Variants in GALNTL6 observed in about 807,000 individuals in gnomAD.
GALNTL6 encodes the protein polypeptide N-acetylgalactosaminyltransferase like 6.
A neutral mutation model predicts 73.7 loss-of-function variants in GALNTL6; 46 were observed. The observed-to-expected ratio is 0.62, with a 90% CI of 0.49 to 0.80. The LOEUF is 0.80. Among genes scored for constraint, GALNTL6 ranks in the 30% least tolerant of loss-of-function variants. GALNTL6 has a pLI of 0.00. For missense variants in GALNTL6, 604 were observed against 755.0 expected, an observed-to-expected ratio of 0.80 and a Z score of 2.34; for synonymous variants, 259 against 263.7, an observed-to-expected ratio of 0.98 and a Z score of 0.17.
At chr4:172,563,259 C>G (rs893989859) in intron 5 of GALNTL6, among the ~76,000 whole-genome samples, 1 of 152,086 alleles carries the variant, frequency 6.6e-6, no homozygotes, top group Non-Finnish European at 1.5e-5. Flanking sequence ...TAGCAGAAAC[C>G]TTCTCTCCCC....
At chr4:172,185,377 G>A (rs1188803279) in intron 2 of GALNTL6, among the ~76,000 whole-genome samples, 1 of 152,162 alleles carries the variant, frequency 6.6e-6, no homozygotes, top group African/African-American at 2.4e-5. Context: ...CCTGTTTTAA[G>A]GAAATACGCT....
chr4:172,311,041 T>G (rs1578942089), intron 3 of GALNTL6, among the ~76,000 whole-genome samples: 1 of 152,172 alleles, frequency 6.6e-6, no homozygotes, highest in East Asian at 1.9e-4. Flanking sequence ...GAATATATAT[T>G]TTACTGATGA....
chr4:172,388,805 T>G (rs1320325052), intron 5 of GALNTL6, among the ~76,000 whole-genome samples: 2 of 152,054 alleles, frequency 1.3e-5, no homozygotes, highest in Non-Finnish European at 2.9e-5. Flanking sequence ...ACACTGTATT[T>G]AGTGTTAGCA....
chr4:172,871,230 A>G (rs529161122), intron 7 of GALNTL6, among the ~76,000 whole-genome samples: 1 of 152,306 alleles, frequency 6.6e-6, no homozygotes, highest in South Asian at 2.1e-4. Flanking sequence ...TGGAGATAAT[A>G]AAGATGAAAA....
At chr4:172,038,865 T>C (rs1006546060) in intron 2 of GALNTL6, among the ~76,000 whole-genome samples, 1 of 152,206 alleles carries the variant, frequency 6.6e-6, no homozygotes, top group Non-Finnish European at 1.5e-5. Context: ...ATAAAATGGA[T>C]TCATAGAAGA....
chr4:172,372,557 G>A (rs1742857615), intron 5 of GALNTL6, among the ~76,000 whole-genome samples: 1 of 152,202 alleles, frequency 6.6e-6, no homozygotes, highest in African/African-American at 2.4e-5. Flanking sequence ...ACTTAGGTAT[G>A]CCACTGGTTG....
chr4:172,176,234 A>G lies in GALNTL6; in HGVS notation c.139-53422A>G, dbSNP rs574445720. 1.3e-4 allele frequency among the ~76,000 whole-genome samples: 20 copies of G among 150,780 alleles called. No individual in the cohort carries two copies. In the South Asian group the frequency reaches 4.1e-3, roughly 31 times the overall value. ...GGGCACCTGTAGTCCCAGCTACTCA[A>G]AAGGCTGAGGCAGGAGAATGGCGTG... On this transcript the variant is annotated intron_variant, in intron 2 of 12. Transcript: ENST00000506823.
intron 5 of GALNTL6, among the ~76,000 whole-genome samples, chr4:172,800,974 A>T (rs1740608689): frequency 6.6e-6 from 1 of 152,182 alleles, no homozygotes. Context: ...CTTCATTTTC[A>T]TTTAATCTCG....
chr4:172,369,786 G>A (rs559119373), intron 5 of GALNTL6, among the ~76,000 whole-genome samples: 18 of 152,186 alleles, frequency 1.2e-4, no homozygotes, highest in African/African-American at 2.4e-4. Flanking sequence ...CCGAGCCTGC[G>A]CCCACCTGGA....
intron 2 of GALNTL6, among the ~76,000 whole-genome samples, chr4:172,094,168 T>C (rs1463058218): frequency 1.3e-5 from 2 of 152,148 alleles, no homozygotes; most frequent in Non-Finnish European, 2.9e-5. Context: ...TTTTTCAGTG[T>C]GGAACAGTAC....
At chr4:171,829,414 A>G (rs1427160058) in intron 2 of GALNTL6, among the ~76,000 whole-genome samples, 1 of 152,082 alleles carries the variant, frequency 6.6e-6, no homozygotes, top group Non-Finnish European at 1.5e-5. Flanking sequence ...TTCAGATAAA[A>G]GCTTGTTTTC....
intron 2 of GALNTL6, among the ~76,000 whole-genome samples, chr4:171,853,673 C>T (rs1169544181): frequency 1.6e-5 from 2 of 127,966 alleles, no homozygotes; most frequent in Non-Finnish European, 3.1e-5. Context: ...TGCAGTGGTG[C>T]GATCTTGGCT....
chr4:172,673,610 CTT>C (rs1324405636), intron 5 of GALNTL6, among the ~76,000 whole-genome samples: 5 of 152,102 alleles, frequency 3.3e-5, no homozygotes, highest in Non-Finnish European at 7.4e-5. Flanking sequence ...GAGTCTAAGT[CTT>C]TTTGAAGGTC....
intron 8 of GALNTL6, among the ~76,000 whole-genome samples, chr4:172,887,007 C>G (rs1018952557): frequency 6.6e-6 from 1 of 152,060 alleles, no homozygotes; most frequent in African/African-American, 2.4e-5. Context: ...TTGTAGTGAT[C>G]AGTGACTTTT....
intron 2 of GALNTL6, among the ~76,000 whole-genome samples, chr4:171,971,705 T>C (rs950788718): frequency 6.6e-6 from 1 of 152,202 alleles, no homozygotes; most frequent in Non-Finnish European, 1.5e-5. Flanking sequence ...CTGGTCTTTT[T>C]TTAAAGTCCT....
chr4:172,024,956 A>G (rs1284124399), intron 2 of GALNTL6, among the ~76,000 whole-genome samples: 4 of 151,766 alleles, frequency 2.6e-5, no homozygotes, highest in Non-Finnish European at 5.9e-5. Context: ...AGAAAAGTCT[A>G]AGAACAAAAT....
chr4:172,329,755 A>G (rs574580358), intron 4 of GALNTL6, among the ~76,000 whole-genome samples: 41 of 152,356 alleles, frequency 2.7e-4, no homozygotes, highest in African/African-American at 9.6e-4. Context: ...TGAAGCAGCA[A>G]AGATGGCAAC....
At chr4:172,654,629 A>G (rs1364419358) in intron 5 of GALNTL6, among the ~76,000 whole-genome samples, 1 of 152,224 alleles carries the variant, frequency 6.6e-6, no homozygotes, top group Non-Finnish European at 1.5e-5. Flanking sequence ...TCTGGTCTGC[A>G]GGCTGAACTT....
At chr4:172,433,069 C>T (rs1358177875) in intron 5 of GALNTL6, among the ~76,000 whole-genome samples, 2 of 152,068 alleles carry the variant, frequency 1.3e-5, no homozygotes, top group Non-Finnish European at 2.9e-5. Flanking sequence ...TATACAAATA[C>T]AAGACAGCTT....
Sources: gnomAD v4.1 joint callset for allele counts (sites outside exome capture counted in the v4.1 genomes callset) on GRCh38, gnomAD v4.1.1 for gene constraint, MANE v1.5 for transcripts, NCBI Gene and HGNC (gene_info 2026-07-23, HGNC 2026-07-21) for gene names.